Variants in SEC14L2 observed in about 807,000 individuals in gnomAD.
SEC14L2 encodes SEC14 like lipid binding 2.
A neutral mutation model predicts 56.9 loss-of-function variants in SEC14L2; 50 were observed. The ratio of observed to expected loss-of-function variants is 0.88; its 90% CI spans 0.70 to 1.11. The LOEUF (loss-of-function observed/expected upper bound fraction) is 1.11. SEC14L2 is among the 50% of genes most tolerant of loss of function. The pLI, the probability that SEC14L2 is intolerant of heterozygous loss-of-function variation, is 0.00. For synonymous variants in SEC14L2, 179 were observed against 188.5 expected, an observed-to-expected ratio of 0.95 and a Z score of 0.41; for missense variants, 414 against 500.7, an observed-to-expected ratio of 0.83 and a Z score of 1.65.
chr22:30,421,285 A>C (rs1934511628), intron 11 of SEC14L2: 1 of 152,240 alleles, frequency 6.6e-6, no homozygotes, highest in South Asian at 2.1e-4. Flanking sequence ...CTTTCCCATT[A>C]GGACAAGCAC....
chr22:30,407,164 A>T lies in SEC14L2; in HGVS notation c.234+10A>T. On this transcript the variant is annotated intron_variant, in intron 4 of 11. Coordinates refer to ENST00000615189, the MANE Select transcript of SEC14L2 (RefSeq NM_012429.5). Reference sequence around the variant, plus strand: ...CTGGCAGCCTCCAGAGGTGAGCACAAATTATCCCACCTCATCCCTATGCTA... The same window carrying T: ...CTGGCAGCCTCCAGAGGTGAGCACATATTATCCCACCTCATCCCTATGCTA... The T allele has an allele frequency of 6.2e-7, 1 of 1,613,854 alleles. No homozygotes were observed. Among genetic ancestry groups the T allele is most frequent in the Non-Finnish European group, 8.5e-7 (1 of 1,179,864 alleles).
At position 30,423,465 on chromosome 22, in the gene SEC14L2, G is replaced by C. The variant is rs923514166; in HGVS notation, c.*1058G>C. 1.3e-5 allele frequency: 2 copies of C among 152,078 alleles called. No homozygotes were observed. Among genetic ancestry groups the C allele is most frequent in the Non-Finnish European group, 2.9e-5 (2 of 68,192 alleles). The allele number at this position is 152,078 out of a possible 1,614,324, so 9.4% of individuals were successfully genotyped here. The stretch of plus-strand genomic sequence containing the variant: ...CGTAGCCAGGCCTGGAGGCCCCCCA[G>C]GCAGGAGGCCGCCCAAAGGCGGGGC... On this transcript the variant is annotated 3_prime_UTR_variant, in exon 12 of 12. Coordinates refer to ENST00000615189, the MANE Select transcript of SEC14L2 (RefSeq NM_012429.5).
At chr22:30,404,372 T>C (rs1367425643) in intron 2 of SEC14L2, among the ~76,000 whole-genome samples, 1 of 152,136 alleles carries the variant, frequency 6.6e-6, no homozygotes, top group African/African-American at 2.4e-5. Context: ...AGGGAGCCTA[T>C]GGGCCCAGGA....
At chr22:30,412,946 T>C (rs1473531457) in intron 8 of SEC14L2, among the ~76,000 whole-genome samples, 1 of 151,882 alleles carries the variant, frequency 6.6e-6, no homozygotes, top group Non-Finnish European at 1.5e-5. Context: ...GAGCTCCTGG[T>C]GTCTGGCAGA....
intron 2 of SEC14L2, among the ~76,000 whole-genome samples, chr22:30,403,919 C>T (rs1288151989): frequency 4.3e-5 from 6 of 139,644 alleles, no homozygotes; most frequent in African/African-American, 1.6e-4. Context: ...AGGAGAATGG[C>T]GTGAACCCGG....
rs1252105978 is a variant in SEC14L2 at position 30,397,020 on chromosome 22, CT to C, written c.-94del. 7.1e-5 allele frequency: 84 copies of C among 1,180,806 alleles called. No individual in the cohort carries two copies. Among genetic ancestry groups the C allele is most frequent in the Non-Finnish European group, 1.0e-4 (82 of 821,206 alleles). The allele number at this position is 1,180,806 out of a possible 1,614,324, so 73.1% of individuals were successfully genotyped here. ...CCGCGGCCCGGGCAAAAGGCTGGGA[CT>C]TTACTCCGGGTGGCGGCGAGGACGA... On this transcript the variant is annotated 5_prime_UTR_variant, in exon 1 of 12. Transcript: ENST00000615189.
At position 30,403,025 on chromosome 22, in the gene SEC14L2, C is replaced by T. The variant is rs534462513; in HGVS notation, c.130+3307C>T. ...TCCAGTAGTTTGAGACTATAGTGAG[C>T]TATATCGCACCACTGCATTCCAACC... On this transcript the variant is annotated intron_variant, in intron 2 of 11. Coordinates refer to ENST00000615189, the MANE Select transcript of SEC14L2 (RefSeq NM_012429.5). Among the ~76,000 whole-genome samples the T allele has an allele frequency of 6.2e-4, 95 of 152,286 alleles. No individual in the cohort carries two copies. The East Asian group carries it at 0.015, about 24-fold the overall frequency.
Position 30,408,489 on chromosome 22 carries a change from G to A in SEC14L2, c.424-698G>A, listed in dbSNP as rs547679938. ...TATACCAGCTACTAGGGAGGCTGAG[G>A]TGAGAGGATCACTTGAACTTGGGAA... On this transcript the variant is annotated intron_variant, in intron 5 of 11. Transcript: ENST00000615189. Among the ~76,000 whole-genome samples, 39 of 152,114 alleles carry A rather than the reference G, an allele frequency of 2.6e-4. No homozygotes were observed. In the East Asian group the frequency reaches 5.8e-3, roughly 23 times the overall value.
At chr22:30,422,254 G>C in intron 11 of SEC14L2, 23 bp from the exon 12 acceptor site, 2 of 1,613,620 alleles carry the variant, frequency 1.2e-6, no homozygotes, top group Non-Finnish European at 1.7e-6. Context: ...CTGAATGTCT[G>C]TCTGGTTTCT....
intron 8 of SEC14L2, among the ~76,000 whole-genome samples, chr22:30,412,977 G>A (rs1004487561): frequency 2.0e-5 from 3 of 152,140 alleles, no homozygotes; most frequent in Non-Finnish European, 2.9e-5. Flanking sequence ...AGATGGTGAC[G>A]CATTAGTTCA....
rs1302516107 is a variant in SEC14L2 at position 30,424,189 on chromosome 22, G to T, written c.*1782G>T. On this transcript the variant is annotated 3_prime_UTR_variant, in exon 12 of 12. Coordinates refer to ENST00000615189, the MANE Select transcript of SEC14L2 (RefSeq NM_012429.5). ...AGTGTGAGTCCGGGCGAGCGCCTGC[G>T]GAGCTAGCACTGGGCCCAGAATGAG... 1 of 156,114 alleles carries T rather than the reference G, an allele frequency of 6.4e-6. No individual in the cohort carries two copies. The highest frequency in any genetic ancestry group is 2.4e-5 in the African/African-American group (1 of 41,468). 9.7% of individuals were successfully genotyped at this position (156,114 alleles called of 1,614,324 possible). A position where few individuals can be genotyped will look rare whatever the true frequency, so the allele number is the denominator to read the frequency against.
intron 8 of SEC14L2, 40 bp downstream of exon 8, chr22:30,410,719 T>C (rs764912286): frequency 6.3e-7 from 1 of 1,583,924 alleles, no homozygotes; most frequent in East Asian, 2.2e-5. Flanking sequence ...AAGGAGGGTC[T>C]GTAGCCTAAA....
intron 2 of SEC14L2, among the ~76,000 whole-genome samples, chr22:30,401,266 A>G (rs1933925616): frequency 1.3e-5 from 2 of 150,970 alleles, no homozygotes; most frequent in Admixed American, 1.3e-4. Flanking sequence ...CTGGAGTGCA[A>G]TGGTGCAGTC....
rs372168358 is a variant in SEC14L2, at chr22:30,422,228, C to T, written c.1082-49C>T. On this transcript the variant is annotated intron_variant, in intron 11 of 11. Coordinates refer to ENST00000615189, the MANE Select transcript of SEC14L2 (RefSeq NM_012429.5). Reference sequence around the variant, plus strand: ...TCAACAAAAATCACTGTCCCCAAGCCCTTTGCCAGAACTGCCTGAATGTCT... The same window carrying T: ...TCAACAAAAATCACTGTCCCCAAGCTCTTTGCCAGAACTGCCTGAATGTCT... 7.5e-6 allele frequency: 12 copies of T among 1,609,590 alleles called. No individual in the cohort carries two copies. In the Middle Eastern group the frequency reaches 9.9e-4, roughly 133 times the overall value.
rs755674049 is a variant in SEC14L2 at position 30,409,264 on chromosome 22, T to C, written c.501T>C (p.Ala167=). The C allele has an allele frequency of 1.2e-6, 2 of 1,612,346 alleles. No homozygotes were observed. Among genetic ancestry groups the C allele is most frequent in the East Asian group, 2.2e-5 (1 of 44,784 alleles). Residue 167 remains alanine (A), a synonymous_variant, in exon 6 of 12, where the codon GCT becomes GCC. Transcript: ENST00000615189. ...GLGLKHLWKP[A]VEAYGEFLCM... is the part of the protein sequence containing the mutation. ...GCCTCAAGCATCTCTGGAAGCCTGC[T>C]GTGGAGGCCTATGGAGAGGTGAGGG...
At chr22:30,406,988 G>A in intron 3 of SEC14L2, 107 bp from the exon 4 acceptor site, 1 of 1,064,484 alleles carries the variant, frequency 9.4e-7, no homozygotes, top group East Asian at 2.6e-5. Flanking sequence ...CTGGCCTCAA[G>A]TGATCCACCC....
At chr22:30,409,158 C>T (rs1934178733) in intron 5 of SEC14L2, 29 bp from the exon 6 acceptor site, 4 of 1,599,880 alleles carry the variant, frequency 2.5e-6, no homozygotes, top group East Asian at 2.2e-5. Context: ...GACAGCCTGA[C>T]AAGACTTCCT....
rs777825683 is a variant in SEC14L2 at position 30,407,157 on chromosome 22, G to A, written c.234+3G>A. The stretch of plus-strand genomic sequence containing the variant: ...TCATTAGCTGGCAGCCTCCAGAGGT[G>A]AGCACAAATTATCCCACCTCATCCC... On this transcript the variant is annotated splice_donor_region_variant and intron_variant, in intron 4 of 11. Transcript: ENST00000615189. The A allele has an allele frequency of 8.1e-6, 13 of 1,613,830 alleles. No individual in the cohort carries two copies. The Admixed American group carries it at 1.0e-4, about 12-fold the overall frequency.
chr22:30,416,896 G>A, intron 11 of SEC14L2: 1 of 997,204 alleles, frequency 1.0e-6, no homozygotes, highest in Non-Finnish European at 1.2e-6. Flanking sequence ...AAGAATATAA[G>A]AATGGGAAAC....
Sources: allele counts gnomAD v4.1 joint callset (sites outside exome capture counted in the v4.1 genomes callset), GRCh38; gene constraint gnomAD v4.1.1; transcripts MANE v1.5; gene names NCBI Gene and HGNC (gene_info 2026-07-23, HGNC 2026-07-21).